The following FRMD3 variants were observed in gnomAD, a reference collection of about 807,000 sequenced individuals.
FRMD3 encodes FERM domain-containing protein 3.
Under a neutral mutation model 70.2 loss-of-function variants are expected in FRMD3, and 33 were observed. That is an observed-to-expected ratio of 0.47 (90% CI 0.36 to 0.63). FRMD3 has a LOEUF of 0.63. FRMD3 is among the 20% of genes least tolerant of loss of function. FRMD3 has a pLI of 0.00. For synonymous variants in FRMD3, 279 were observed against 255.9 expected (o/e 1.09, Z -0.86); for missense variants, 632 against 711.4 (o/e 0.89, Z 1.27).
intron 13 of FRMD3, among the ~76,000 whole-genome samples, chr9:83,260,529 C>A (rs1832935949): frequency 6.6e-6 from 1 of 152,144 alleles, no homozygotes; most frequent in African/African-American, 2.4e-5. Flanking sequence ...CAGTCCCACT[C>A]TATGTCTGTC....
chr9:83,454,796 T>G (rs1827772597), intron 1 of FRMD3, among the ~76,000 whole-genome samples: 1 of 152,230 alleles, frequency 6.6e-6, no homozygotes, highest in Non-Finnish European at 1.5e-5. Context: ...TATTCATCTT[T>G]GCAAACATTT....
At chr9:83,370,688 G>T (rs1348025797) in intron 3 of FRMD3, among the ~76,000 whole-genome samples, 1 of 152,216 alleles carries the variant, frequency 6.6e-6, no homozygotes, top group African/African-American at 2.4e-5. Flanking sequence ...GAGGCAGGCA[G>T]ATCACCTAAG....
intron 1 of FRMD3, among the ~76,000 whole-genome samples, chr9:83,513,860 G>T (rs1829393277): frequency 6.6e-6 from 1 of 152,178 alleles, no homozygotes; most frequent in Non-Finnish European, 1.5e-5. Flanking sequence ...AACCCAAGGG[G>T]TTGGGGAACT....
chr9:83,464,235 G>A (rs546554581), intron 1 of FRMD3, among the ~76,000 whole-genome samples: 33 of 152,164 alleles, frequency 2.2e-4, no homozygotes, highest in Non-Finnish European at 4.7e-4. Context: ...GGCAAAGAAC[G>A]GTGTGTTCTG....
chr9:83,345,585 G>T (rs1265597836), intron 4 of FRMD3, among the ~76,000 whole-genome samples: 1 of 151,814 alleles, frequency 6.6e-6, no homozygotes, highest in African/African-American at 2.4e-5. Flanking sequence ...GTGAAACCTC[G>T]TCTCTACTAA....
At chr9:83,506,655 A>G (rs1829188739) in intron 1 of FRMD3, among the ~76,000 whole-genome samples, 1 of 152,184 alleles carries the variant, frequency 6.6e-6, no homozygotes, top group African/African-American at 2.4e-5. Flanking sequence ...ATTACGCTAC[A>G]CCACTGTAGA....
chr9:83,398,231 G>C (rs1232132373), intron 1 of FRMD3, among the ~76,000 whole-genome samples: 1 of 152,144 alleles, frequency 6.6e-6, no homozygotes, highest in African/African-American at 2.4e-5. Context: ...TAAACAGCAA[G>C]TAATATATTG....
intron 1 of FRMD3, among the ~76,000 whole-genome samples, chr9:83,424,550 T>C (rs368627067): frequency 6.6e-6 from 1 of 152,142 alleles, no homozygotes; most frequent in South Asian, 2.1e-4. Flanking sequence ...TGTGCAAAAA[T>C]TCAATGTGGC....
At chr9:83,272,359 T>G (rs1315941214) in intron 13 of FRMD3, among the ~76,000 whole-genome samples, 4 of 152,110 alleles carry the variant, frequency 2.6e-5, no homozygotes, top group Non-Finnish European at 4.4e-5. Context: ...CTGCCAGCCT[T>G]GGCCTCCCGA....
chr9:83,409,885 C>T (rs778070235), intron 1 of FRMD3, among the ~76,000 whole-genome samples: 41 of 152,156 alleles, frequency 2.7e-4, no homozygotes, highest in African/African-American at 5.1e-4. Flanking sequence ...TAAGCTCTTC[C>T]GTTTTCCAAC....
intron 1 of FRMD3, among the ~76,000 whole-genome samples, chr9:83,522,041 C>G (rs1401593968): frequency 6.6e-6 from 1 of 152,120 alleles, no homozygotes; most frequent in Non-Finnish European, 1.5e-5. Context: ...TGAGGGTGAA[C>G]GTCTAGTAGG....
intron 4 of FRMD3, among the ~76,000 whole-genome samples, chr9:83,345,802 A>G (rs1166315157): frequency 2.6e-5 from 4 of 152,038 alleles, no homozygotes; most frequent in Non-Finnish European, 5.9e-5. Context: ...ATTAAGTTCC[A>G]GGGGATGCTG....
At chr9:83,324,816 G>A (rs1411739792) in intron 6 of FRMD3, among the ~76,000 whole-genome samples, 1 of 152,180 alleles carries the variant, frequency 6.6e-6, no homozygotes. Flanking sequence ...ATTGCTCAAG[G>A]TCAATTGGCA....
At chr9:83,540,031 T>C (rs1266686191), upstream of FRMD3, among the ~76,000 whole-genome samples, 1 of 152,186 alleles carries the variant, frequency 6.6e-6, no homozygotes, top group East Asian at 1.9e-4. Context: ...TTGAAAAGTC[T>C]CTCCATTTCT....
At chr9:83,494,667 C>G (rs1228018502) in intron 1 of FRMD3, among the ~76,000 whole-genome samples, 4 of 152,116 alleles carry the variant, frequency 2.6e-5, no homozygotes, top group African/African-American at 4.8e-5. Flanking sequence ...CTTTGGGAAC[C>G]CAAGGTGGGG....
chr9:83,433,541 A>T (rs1361776306), intron 1 of FRMD3, among the ~76,000 whole-genome samples: 3 of 152,222 alleles, frequency 2.0e-5, no homozygotes, highest in Non-Finnish European at 4.4e-5. Flanking sequence ...TGACTCAAGC[A>T]CATCACATTT....
chr9:83,551,651 A>T, the FRMD3 span, among the ~76,000 whole-genome samples: 1 of 151,532 alleles, frequency 6.6e-6, no homozygotes. Context: ...TCCATTTTGG[A>T]GCTTGTTATT....
intron 1 of FRMD3, among the ~76,000 whole-genome samples, chr9:83,530,579 C>A (rs1433807867): frequency 6.6e-6 from 1 of 152,160 alleles, no homozygotes; most frequent in Non-Finnish European, 1.5e-5. Flanking sequence ...GATGACTGCA[C>A]TACTCTCTGA....
chr9:83,545,356 G>GTTTTTT, the FRMD3 span, among the ~76,000 whole-genome samples: 4 of 117,610 alleles, frequency 3.4e-5, no homozygotes, highest in Admixed American at 9.7e-5. Context: ...GTTTTTTTTT[G>GTTTTTT]TTTTTTTTTT....
Sources: gnomAD v4.1 joint callset for allele counts (sites outside exome capture counted in the v4.1 genomes callset) on GRCh38, gnomAD v4.1.1 for gene constraint, MANE v1.5 for transcripts, NCBI Gene and HGNC (gene_info 2026-07-23, HGNC 2026-07-21) for gene names.